The following ADGRL2 variants were observed in gnomAD, a reference collection of about 807,000 sequenced individuals.
ADGRL2 encodes adhesion G protein-coupled receptor L2.
ADGRL2 carries 44 observed loss-of-function variants against 157.4 expected under a neutral mutation model. The ratio of observed to expected loss-of-function variants is 0.28; its 90% CI spans 0.22 to 0.36. The LOEUF is 0.36. Ranked by LOEUF, ADGRL2 falls within the 10% of genes least tolerant of loss-of-function variation. ADGRL2 has a pLI of 1.00. For synonymous variants in ADGRL2, 585 were observed against 624.7 expected (o/e 0.94, Z 0.95); for missense variants, 1,510 against 1,768.9 (o/e 0.85, Z 2.63).
chr1:81,940,072 T>A (rs913533245), intron 4 of ADGRL2, among the ~76,000 whole-genome samples: 1 of 151,552 alleles, frequency 6.6e-6, no homozygotes, highest in Non-Finnish European at 1.5e-5. Flanking sequence ...CTAACTACAT[T>A]GTAATTTTAG....
intron 3 of ADGRL2, among the ~76,000 whole-genome samples, chr1:81,597,649 C>T (rs2081261374): frequency 6.6e-6 from 1 of 152,138 alleles, no homozygotes; most frequent in Non-Finnish European, 1.5e-5. Flanking sequence ...GATTCAAATG[C>T]AAATCCCATT....
chr1:81,828,236 T>C (rs547884573), intron 1 of ADGRL2, among the ~76,000 whole-genome samples: 10 of 152,110 alleles, frequency 6.6e-5, no homozygotes, highest in Admixed American at 6.5e-4. Flanking sequence ...TCTTAAAGCC[T>C]AAAATATTTT....
At chr1:81,397,407 C>T (rs1398308605) in intron 1 of ADGRL2, among the ~76,000 whole-genome samples, 1 of 149,040 alleles carries the variant, frequency 6.7e-6, no homozygotes, top group Non-Finnish European at 1.5e-5. Context: ...TGCAACTCCG[C>T]CTCCCGGGTT....
intron 2 of ADGRL2, among the ~76,000 whole-genome samples, chr1:81,556,718 T>A (rs2080288323): frequency 1.3e-5 from 2 of 152,054 alleles, no homozygotes; most frequent in Admixed American, 1.3e-4. Flanking sequence ...CATTTTTCAA[T>A]GACATCATGA....
intron 2 of ADGRL2, among the ~76,000 whole-genome samples, chr1:81,544,662 C>T (rs1340971603): frequency 6.6e-6 from 1 of 152,170 alleles, no homozygotes; most frequent in Non-Finnish European, 1.5e-5. Flanking sequence ...TCCCTCCTTC[C>T]CTGCTAGGAA....
chr1:81,515,110 A>G, intron 2 of ADGRL2: 1 of 152,182 alleles, frequency 6.6e-6, no homozygotes, highest in Middle Eastern at 3.2e-3. Context: ...GGTACTTGGC[A>G]GCTCTTCCTT....
In ADGRL2 at chr1:81,710,178, C is replaced by T. The variant is rs550466786; in HGVS notation, c.-143+10370C>T. On this transcript the variant is annotated intron_variant, in intron 1 of 20. Transcript: ENST00000359929. ...TTATAGGCAATATTCACTTACTCAT[C>T]ACTCATCCATCTGTTAAATAAACCC... Among the ~76,000 whole-genome samples, 9 of 152,282 alleles carry T rather than the reference C, an allele frequency of 5.9e-5. No individual in the cohort carries two copies. In the South Asian group the frequency reaches 1.7e-3, roughly 28 times the overall value.
At chr1:81,308,314 C>T (rs1659494399) in intron 1 of ADGRL2, among the ~76,000 whole-genome samples, 1 of 152,050 alleles carries the variant, frequency 6.6e-6, no homozygotes, top group Admixed American at 6.6e-5. Flanking sequence ...CCATTCACAC[C>T]TTCAGCATTA....
intron 1 of ADGRL2, among the ~76,000 whole-genome samples, chr1:81,392,298 A>C (rs1309296458): frequency 6.6e-6 from 1 of 152,006 alleles, no homozygotes; most frequent in Non-Finnish European, 1.5e-5. Flanking sequence ...CCATGAATAG[A>C]AATAAAGTTT....
intron 2 of ADGRL2, among the ~76,000 whole-genome samples, chr1:81,477,066 C>T (rs1029790866): frequency 1.7e-4 from 26 of 152,170 alleles, no homozygotes; most frequent in South Asian, 2.1e-4. Context: ...AACTACTTTT[C>T]GTTCTGTTCC....
At chr1:81,619,746 T>C (rs2081748424) in intron 3 of ADGRL2, among the ~76,000 whole-genome samples, 1 of 146,096 alleles carries the variant, frequency 6.8e-6, no homozygotes, top group South Asian at 2.1e-4. Context: ...TGTGTGTGTG[T>C]GTGTGTGTGT....
At chr1:81,599,793 G>A (rs891269481) in intron 3 of ADGRL2, among the ~76,000 whole-genome samples, 1 of 152,084 alleles carries the variant, frequency 6.6e-6, no homozygotes, top group East Asian at 1.9e-4. Context: ...TGTCCATTTA[G>A]GTGACATCAG....
At chr1:81,519,764 C>T (rs554740423) in intron 2 of ADGRL2, among the ~76,000 whole-genome samples, 15 of 152,156 alleles carry the variant, frequency 9.9e-5, no homozygotes, top group South Asian at 6.2e-4. Flanking sequence ...GTGACAGATA[C>T]GGCTAATGAC....
intron 3 of ADGRL2, among the ~76,000 whole-genome samples, chr1:81,610,050 A>G (rs563711641): frequency 6.6e-6 from 1 of 152,274 alleles, no homozygotes; most frequent in African/African-American, 2.4e-5. Context: ...CTGTCAGCTA[A>G]CAGCCTCCCA....
intron 3 of ADGRL2, among the ~76,000 whole-genome samples, chr1:81,614,829 A>C (rs1370397506): frequency 4.0e-5 from 6 of 150,362 alleles, no homozygotes; most frequent in Non-Finnish European, 8.9e-5. Flanking sequence ...AACATGGCAG[A>C]AACCCATCTC....
chr1:81,860,541 A>G (rs556421686), intron 2 of ADGRL2, among the ~76,000 whole-genome samples: 1 of 152,242 alleles, frequency 6.6e-6, no homozygotes, highest in East Asian at 1.9e-4. Context: ...TTTTATAATC[A>G]TATAATGTAT....
intron 2 of ADGRL2, among the ~76,000 whole-genome samples, chr1:81,491,910 C>T (rs1405714159): frequency 3.3e-5 from 5 of 152,086 alleles, no homozygotes; most frequent in Non-Finnish European, 4.4e-5. Context: ...GCTGGTATTG[C>T]TGCAGTCACC....
chr1:81,651,252 C>T (rs2148840337), intron 3 of ADGRL2, among the ~76,000 whole-genome samples: 1 of 152,048 alleles, frequency 6.6e-6, no homozygotes, highest in East Asian at 1.9e-4. Context: ...ACATTTTCTA[C>T]TAGTTACAAG....
intron 2 of ADGRL2, among the ~76,000 whole-genome samples, chr1:81,471,691 T>C (rs2078175963): frequency 6.6e-6 from 1 of 152,208 alleles, no homozygotes; most frequent in South Asian, 2.1e-4. Context: ...AAAATGTATA[T>C]AGGCCGAATA....
Sources: allele counts gnomAD v4.1 joint callset (sites outside exome capture counted in the v4.1 genomes callset), GRCh38; gene constraint gnomAD v4.1.1; transcripts MANE v1.5; gene names NCBI Gene and HGNC (gene_info 2026-07-23, HGNC 2026-07-21).